The following ASAP1 variants were observed in gnomAD, a reference collection of about 807,000 sequenced individuals.
The protein encoded by ASAP1 is arf-GAP with SH3 domain, ANK repeat and PH domain-containing protein 1.
ASAP1 carries 43 observed loss-of-function variants against 145.2 expected under a neutral mutation model. That is an observed-to-expected ratio of 0.30 (90% CI 0.23 to 0.38). The LOEUF (loss-of-function observed/expected upper bound fraction) is 0.38, where lower values mean the gene tolerates loss of function less well. ASAP1 is among the 10% of genes least tolerant of loss of function. The probability of loss-of-function intolerance (pLI) is 1.00; values close to 1 mark genes in which losing one functional copy is unlikely to be tolerated. For synonymous variants in ASAP1, 546 were observed against 515.5 expected (o/e 1.06, Z -0.80); for missense variants, 1,018 against 1,355.3 (o/e 0.75, Z 3.91).
chr8:130,386,705 T>A (rs1406639487), intron 2 of ASAP1: 1 of 152,098 alleles, frequency 6.6e-6, no homozygotes, highest in Non-Finnish European at 1.5e-5. Flanking sequence ...AGTCTAACAG[T>A]CAATTATCTC....
intron 1 of ASAP1, among the ~76,000 whole-genome samples, chr8:130,412,895 C>T (rs1256940318): frequency 6.6e-6 from 1 of 152,136 alleles, no homozygotes; most frequent in Non-Finnish European, 1.5e-5. Context: ...CCACCCACCT[C>T]GGCCTCCCAA....
chr8:130,442,206 A>G (rs190716722), intron 1 of ASAP1, among the ~76,000 whole-genome samples: 5 of 152,242 alleles, frequency 3.3e-5, no homozygotes, highest in Admixed American at 2.6e-4. Context: ...GACGCAAAGA[A>G]GACGTTTCCA....
chr8:130,272,720 T>G (rs980918613), intron 3 of ASAP1, among the ~76,000 whole-genome samples: 3 of 152,198 alleles, frequency 2.0e-5, no homozygotes, highest in Non-Finnish European at 4.4e-5. Context: ...GAACTGGATG[T>G]CACTATGTTA....
intron 3 of ASAP1, among the ~76,000 whole-genome samples, chr8:130,253,614 G>A (rs1363701398): frequency 1.3e-5 from 2 of 152,118 alleles, no homozygotes. Context: ...GAAAAATACT[G>A]TAACTTCCGT....
rs780923099 is a variant in ASAP1, at chr8:130,188,164, T to C, written c.425A>G (p.Asn142Ser). 1.2e-6 allele frequency: 2 copies of C among 1,613,854 alleles called. No homozygotes were observed. The highest frequency in any genetic ancestry group is 1.1e-5 in the South Asian group (1 of 91,076). ...LKNLLQGLSH[N>S]VIFTLDSLLK... ...CAAAGAATCCAAGGTGAAGATCACATTGTGGCTCAAACCCTGGAGCTGAAA... is the reference window on the plus strand; with the variant it reads ...CAAAGAATCCAAGGTGAAGATCACACTGTGGCTCAAACCCTGGAGCTGAAA... The change falls in exon 6 of 30, where the codon AAT becomes AGT. Residue 142 changes from asparagine (N) to serine (S), a missense_variant. By Grantham distance (46) the Asn-to-Ser change is conservative (BLOSUM62 1). Coordinates refer to ENST00000518721, the MANE Select transcript of ASAP1 (RefSeq NM_018482.4).
chr8:130,301,369 A>G (rs537415894), intron 3 of ASAP1, among the ~76,000 whole-genome samples: 1 of 152,354 alleles, frequency 6.6e-6, no homozygotes, highest in South Asian at 2.1e-4. Context: ...TCTAATCCAC[A>G]TACACTGCTG....
At position 130,060,903 on chromosome 8, in the gene ASAP1, C is replaced by A. The variant is rs141392919; in HGVS notation, c.2868G>T (p.Pro956=). 11 of 1,612,000 alleles carry A rather than the reference C, an allele frequency of 6.8e-6. No homozygotes were observed. In the African/African-American group the frequency reaches 9.4e-5, roughly 14 times the overall value. The change falls in exon 28 of 30, where the codon CCG becomes CCT. Residue 956 remains proline, a synonymous_variant. Transcript: ENST00000518721. ...TGGGGGGCAGTTCTCCTGGCTTAGG[C>A]GGCAAATCTCCAATTTGGGGCTTGG... is the stretch of plus-strand genomic sequence containing the variant. ...LAPKPQIGDL[P]PKPGELPPKP...
At chr8:130,315,973 C>T (rs1034407811) in intron 3 of ASAP1, among the ~76,000 whole-genome samples, 2 of 152,218 alleles carry the variant, frequency 1.3e-5, no homozygotes, top group African/African-American at 4.8e-5. Flanking sequence ...ATTGGCCACT[C>T]CCTTCGCCTG....
At chr8:130,300,113 T>TACACACACACACACACACAC (rs373589102) in intron 3 of ASAP1, among the ~76,000 whole-genome samples, 10 of 72,904 alleles carry the variant, frequency 1.4e-4, no homozygotes, top group Non-Finnish European at 1.7e-4. Context: ...AAAAGAAAAA[T>TACACACACACACACACACAC]ACACACACAC....
chr8:130,376,958 T>C (rs1369561817), intron 2 of ASAP1, among the ~76,000 whole-genome samples: 2 of 137,414 alleles, frequency 1.5e-5, no homozygotes, highest in African/African-American at 5.5e-5. Flanking sequence ...CACATCCAAG[T>C]TGAAATGGGG....
chr8:130,184,150 A>C (rs776479344), intron 7 of ASAP1, among the ~76,000 whole-genome samples: 5 of 152,210 alleles, frequency 3.3e-5, no homozygotes, highest in Non-Finnish European at 7.3e-5. Flanking sequence ...CAGAAATTCA[A>C]TCCTATTCTA....
At chr8:130,265,946 T>C (rs1820217555) in intron 3 of ASAP1, among the ~76,000 whole-genome samples, 1 of 152,200 alleles carries the variant, frequency 6.6e-6, no homozygotes, top group African/African-American at 2.4e-5. Context: ...GGATAAAGTA[T>C]GGCTAACATC....
chr8:130,394,462 AC>A (rs1458474660), intron 2 of ASAP1, among the ~76,000 whole-genome samples: 2 of 152,198 alleles, frequency 1.3e-5, no homozygotes, highest in African/African-American at 4.8e-5. Context: ...GTTATCAATG[AC>A]AATGGTGCCC....
chr8:130,223,571 T>C (rs1473660264), intron 4 of ASAP1, among the ~76,000 whole-genome samples: 3 of 152,164 alleles, frequency 2.0e-5, no homozygotes, highest in Admixed American at 1.3e-4. Context: ...TTATAAACTG[T>C]GATCTAGGGC....
chr8:130,362,080 G>T (rs1339873841), intron 2 of ASAP1, among the ~76,000 whole-genome samples: 1 of 152,154 alleles, frequency 6.6e-6, no homozygotes, highest in Non-Finnish European at 1.5e-5. Context: ...GAACAGTGGT[G>T]GCTTATTCTT....
At chr8:130,099,072 A>T (rs1227820174) in intron 24 of ASAP1, among the ~76,000 whole-genome samples, 1 of 134,028 alleles carries the variant, frequency 7.5e-6, no homozygotes, top group Non-Finnish European at 1.5e-5. Context: ...ATGCTGCAGT[A>T]TGATCACAGT....
chr8:130,421,001 A>C (rs1829698444), intron 1 of ASAP1, among the ~76,000 whole-genome samples: 1 of 152,132 alleles, frequency 6.6e-6, no homozygotes. Flanking sequence ...ATCGGGCTCC[A>C]ATGAGGAACA....
rs2097548178 is a variant in ASAP1, at chr8:130,112,279, A to T, written c.2216T>A (p.Phe739Tyr). 3.1e-6 allele frequency: 5 copies of T among 1,614,140 alleles called. No individual in the cohort carries two copies. Among genetic ancestry groups the T allele is most frequent in the Non-Finnish European group, 4.2e-6 (5 of 1,180,000 alleles). ...KKERSPRPQS[F>Y]CHSSSISPQD... is the part of the protein sequence containing the mutation. ...GGGGGAGATGCTGGAGGAGTGGCAGAAGCTCTGAGGTCTGGGTGAGCGCTC... is the reference window on the plus strand; with the variant it reads ...GGGGGAGATGCTGGAGGAGTGGCAGTAGCTCTGAGGTCTGGGTGAGCGCTC... The change falls in exon 24 of 30, where the codon TTC becomes TAC. Residue 739 changes from phenylalanine (F) to tyrosine (Y), a missense_variant. Coordinates refer to ENST00000518721, the MANE Select transcript of ASAP1 (RefSeq NM_018482.4).
Position 130,054,670 on chromosome 8 carries a change from G to C in ASAP1, c.*61C>G, listed in dbSNP as rs1030869242. The C allele has an allele frequency of 2.1e-6, 3 of 1,448,072 alleles. No individual in the cohort carries two copies. Among genetic ancestry groups the C allele is most frequent in the Non-Finnish European group, 2.9e-6 (3 of 1,030,424 alleles). The allele number at this position is 1,448,072 out of a possible 1,614,324, so 89.7% of individuals were successfully genotyped here. A position where few individuals can be genotyped will look rare whatever the true frequency, so the allele number is the denominator to read the frequency against. ...CAGCTATATACACACTGTGCCCAGGGTTACATGAAGGCAGCAGTCTTGCAT... is the reference window on the plus strand; with the variant it reads ...CAGCTATATACACACTGTGCCCAGGCTTACATGAAGGCAGCAGTCTTGCAT... On this transcript the variant is annotated 3_prime_UTR_variant, in exon 30 of 30. Transcript: ENST00000518721.
Sources: allele counts gnomAD v4.1 joint callset (sites outside exome capture counted in the v4.1 genomes callset), GRCh38; gene constraint gnomAD v4.1.1; transcripts MANE v1.5; gene names NCBI Gene and HGNC (gene_info 2026-07-23, HGNC 2026-07-21).